ATP11A: variants seen among roughly 807,000 people sequenced by gnomAD.
ATP11A encodes the protein ATPase phospholipid transporting 11A, also known as phospholipid-transporting ATPase IH.
Under a neutral mutation model 154.4 loss-of-function variants are expected in ATP11A, and 81 were observed. The observed-to-expected ratio is 0.52, with a 90% CI of 0.44 to 0.63. ATP11A has a LOEUF of 0.63. Ranked by LOEUF, ATP11A falls within the 30% of genes least tolerant of loss-of-function variation. The pLI is 0.00. For missense variants in ATP11A, 1,316 were observed against 1,474.3 expected, an observed-to-expected ratio of 0.89 and a Z score of 1.76; for synonymous variants, 623 against 585.9, an observed-to-expected ratio of 1.06 and a Z score of -0.91.
intron 12 of ATP11A, among the ~76,000 whole-genome samples, chr13:112,828,854 G>A (rs1044610615): frequency 2.6e-5 from 4 of 152,308 alleles, no homozygotes; most frequent in East Asian, 3.9e-4. Context: ...GTGGGTAAAC[G>A]CCTGTGCCCA....
At chr13:112,727,478 A>G (rs1424917982) in intron 1 of ATP11A, among the ~76,000 whole-genome samples, 1 of 152,236 alleles carries the variant, frequency 6.6e-6, no homozygotes, top group Non-Finnish European at 1.5e-5. Context: ...CAAAGCAAAC[A>G]ACAGAAATAA....
At chr13:112,744,622 G>A (rs1262799518) in intron 1 of ATP11A, among the ~76,000 whole-genome samples, 4 of 152,188 alleles carry the variant, frequency 2.6e-5, no homozygotes, top group African/African-American at 7.2e-5. Flanking sequence ...TCTCGGGCTC[G>A]TTGGCCTGCA....
chr13:112,860,284 C>G lies in ATP11A; in HGVS notation c.2728-3C>G. The G allele has an allele frequency of 1.9e-6, 3 of 1,612,154 alleles. No homozygotes were observed. Among genetic ancestry groups the G allele is most frequent in the Non-Finnish European group, 2.5e-6 (3 of 1,178,742 alleles). On this transcript the variant is annotated splice_polypyrimidine_tract_variant and splice_region_variant and intron_variant, in intron 23 of 29. Transcript: ENST00000375645. Reference sequence around the variant, plus strand: ...GCCACTTCTTGTGACTTTCCTCTTACAGACTTTGTACGACACCGCGTATCT... The same window carrying G: ...GCCACTTCTTGTGACTTTCCTCTTAGAGACTTTGTACGACACCGCGTATCT...
intron 4 of ATP11A, among the ~76,000 whole-genome samples, chr13:112,808,200 G>A (rs1197019425): frequency 6.6e-6 from 1 of 152,002 alleles, no homozygotes; most frequent in Non-Finnish European, 1.5e-5. Context: ...CCCATCCCTG[G>A]CTGTGTCCCC....
chr13:112,780,909 C>G (rs1450175923), intron 1 of ATP11A, among the ~76,000 whole-genome samples: 1 of 152,140 alleles, frequency 6.6e-6, no homozygotes, highest in South Asian at 2.1e-4. Context: ...TGTGGCTGAT[C>G]CTGTCTGGGA....
intron 1 of ATP11A, among the ~76,000 whole-genome samples, chr13:112,701,561 G>T (rs926715112): frequency 1.3e-5 from 2 of 152,170 alleles, no homozygotes; most frequent in South Asian, 4.1e-4. Context: ...GGCCGGGCGC[G>T]GTGGCTCATG....
In ATP11A at chr13:112,785,284, A is replaced by C. The variant is rs570781602; in HGVS notation, c.162+27A>C. ...TAACTTGGCTTGGGTCTGAGTGTCC[A>C]TAATGTGTCTAAAAAGCAGCTGCCG... On this transcript the variant is annotated intron_variant, in intron 2 of 29. Coordinates refer to ENST00000375645, the MANE Select transcript of ATP11A (RefSeq NM_015205.3). This position sits in a 1 kb window ranked among gnomAD's most constrained non-coding sequence, Gnocchi z 4.8. 1 of 1,429,494 alleles carries C rather than the reference A, an allele frequency of 7.0e-7. No individual in the cohort carries two copies. The highest frequency in any genetic ancestry group is 1.5e-5 in the African/African-American group (1 of 68,012). 88.6% of individuals were successfully genotyped at this position (1,429,494 alleles called of 1,614,324 possible). A position where few individuals can be genotyped will look rare whatever the true frequency, so the allele number is the denominator to read the frequency against.
intron 29 of ATP11A, among the ~76,000 whole-genome samples, chr13:112,879,814 G>A: frequency 6.6e-6 from 1 of 152,196 alleles, no homozygotes; most frequent in Non-Finnish European, 1.5e-5. Flanking sequence ...CCAGTGGATG[G>A]CTTTCTTTTA....
intron 1 of ATP11A, among the ~76,000 whole-genome samples, chr13:112,774,567 G>GA (rs2077301129): frequency 6.6e-6 from 1 of 152,230 alleles, no homozygotes; most frequent in African/African-American, 2.4e-5. Context: ...CACAAAAGAC[G>GA]TGTACCAGAT....
intron 14 of ATP11A, 118 bp from the exon 15 acceptor site, chr13:112,834,467 CTGTT>C (rs113261583): frequency 0.26 from 181,719 of 692,478 alleles, 25,102 homozygotes; most frequent in Admixed American, 0.29. Flanking sequence ...TTTATAATCT[CTGTT>C]TAACTGAAAG....
intron 2 of ATP11A, among the ~76,000 whole-genome samples, chr13:112,789,599 C>A (rs748024890): frequency 6.7e-5 from 10 of 148,280 alleles, no homozygotes; most frequent in Non-Finnish European, 1.3e-4. Context: ...GACGCGTAGA[C>A]CCCTGTGGAG....
At chr13:112,873,551 GC>G in intron 26 of ATP11A, 21 bp from the exon 27 acceptor site, 1 of 1,559,262 alleles carries the variant, frequency 6.4e-7, no homozygotes. Context: ...ACCGTTAACT[GC>G]CCTTTTTTTT....
intron 20 of ATP11A, chr13:112,856,322 G>A: frequency 2.7e-6 from 1 of 366,496 alleles, no homozygotes. Context: ...GCAGTGGCCA[G>A]GACAGCTGCC....
rs747729438 is a variant in ATP11A at position 112,804,975 on chromosome 13, A to T, written c.181A>T (p.Ile61Leu). ...TATGCAGTACACATTTTGGAACTTTATACCCAAGAATTTATTTGAACAATT... is the reference window on the plus strand; with the variant it reads ...TATGCAGTACACATTTTGGAACTTTTTACCCAAGAATTTATTTGAACAATT... ...VSSKYTFWNF[I>L]PKNLFEQFRR... The change falls in exon 3 of 30, where the codon ATA becomes TTA. Residue 61 changes from isoleucine to leucine, a missense_variant. Transcript: ENST00000375645. 1.2e-6 allele frequency: 2 copies of T among 1,607,980 alleles called. No individual in the cohort carries two copies. Among genetic ancestry groups the T allele is most frequent in the Admixed American group, 1.7e-5 (1 of 59,100 alleles).
chr13:112,706,792 G>A (rs569053742), intron 1 of ATP11A, among the ~76,000 whole-genome samples: 66 of 152,270 alleles, frequency 4.3e-4, no homozygotes, highest in African/African-American at 1.4e-3. Context: ...GAAGCTATTA[G>A]GTTGGTGCAA....
chr13:112,729,454 C>T (rs921106408), intron 1 of ATP11A, among the ~76,000 whole-genome samples: 4 of 150,620 alleles, frequency 2.7e-5, no homozygotes, highest in African/African-American at 5.0e-5. Context: ...GTTCCCACCT[C>T]GGCATTGCAG....
At chr13:112,792,481 A>G (rs925904478) in intron 2 of ATP11A, among the ~76,000 whole-genome samples, 1 of 152,258 alleles carries the variant, frequency 6.6e-6, no homozygotes, top group African/African-American at 2.4e-5. Context: ...TTTAAGTGCC[A>G]CAGAAGCTTG....
At chr13:112,881,680 A>G in intron 29 of ATP11A, 196 bp from the exon 30 acceptor site, 1 of 1,244,272 alleles carries the variant, frequency 8.0e-7, no homozygotes, top group South Asian at 1.4e-5. Context: ...CCTCAGGACG[A>G]GGGTGTGTCC....
chr13:112,831,952 GACAC>G lies in ATP11A; in HGVS notation c.1395+411_1395+414del, dbSNP rs35583942. On this transcript the variant is annotated intron_variant, in intron 13 of 29. Coordinates refer to ENST00000375645, the MANE Select transcript of ATP11A (RefSeq NM_015205.3). ...ACACAGACACACATGCACACATGCA[GACAC>G]ACACACTCACACATGCCCAGACACC... Among the ~76,000 whole-genome samples the G allele has an allele frequency of 1.3e-4, 15 of 117,574 alleles. 1 individual carries two copies. Among genetic ancestry groups the G allele is most frequent in the African/African-American group, 5.5e-4 (13 of 23,616 alleles). The allele number at this position is 117,574 out of a possible 152,430, so 77.1% of individuals were successfully genotyped here.
Sources: gnomAD v4.1 joint callset for allele counts (sites outside exome capture counted in the v4.1 genomes callset) on GRCh38, gnomAD v4.1.1 for gene constraint, Gnocchi (gnomAD v3.1) non-coding constraint, MANE v1.5 for transcripts, NCBI Gene and HGNC (gene_info 2026-07-23, HGNC 2026-07-21) for gene names.